Variants in STOX1 observed in about 807,000 individuals in gnomAD.
The protein encoded by STOX1 is storkhead box 1, also known as storkhead-box protein 1.
STOX1 carries 57 observed loss-of-function variants against 74.8 expected under a neutral mutation model. That is an observed-to-expected ratio of 0.76 (90% CI 0.62 to 0.95). The LOEUF is 0.95. Ranked by LOEUF, STOX1 falls within the 40% of genes least tolerant of loss-of-function variation. The pLI is 0.00. For missense variants in STOX1, 1,010 were observed against 1,117.0 expected, an observed-to-expected ratio of 0.90 and a Z score of 1.37; for synonymous variants, 375 against 401.3, an observed-to-expected ratio of 0.93 and a Z score of 0.78.
intron 1 of STOX1, among the ~76,000 whole-genome samples, chr10:68,840,131 C>T (rs1839656650): frequency 2.6e-5 from 4 of 152,142 alleles, no homozygotes; most frequent in Admixed American, 2.6e-4. Context: ...ACAATCTCCA[C>T]ATGCAAAGGA....
intron 1 of STOX1, among the ~76,000 whole-genome samples, chr10:68,843,856 G>A (rs867652764): frequency 4.6e-5 from 7 of 151,466 alleles, no homozygotes; most frequent in Non-Finnish European, 8.8e-5. Context: ...CACTGTGCCC[G>A]GCCTATTTTA....
In STOX1 at chr10:68,888,071, A is replaced by G. The variant is rs866241960; in HGVS notation, c.2822+1453A>G. Among the ~76,000 whole-genome samples, 122 of 149,974 alleles carry G rather than the reference A, an allele frequency of 8.1e-4. 1 individual carries two copies. The highest frequency in any genetic ancestry group is 6.9e-3 in the Middle Eastern group (2 of 288). On this transcript the variant is annotated intron_variant, in intron 3 of 3. Transcript: ENST00000298596. ...CCTATACTTATTCTAACACACACAC[A>G]CGCGCGCACACACGCACACACACGC...
At chr10:68,874,235 G>C (rs1438614485) in intron 1 of STOX1, among the ~76,000 whole-genome samples, 1 of 151,700 alleles carries the variant, frequency 6.6e-6, no homozygotes, top group East Asian at 1.9e-4. Flanking sequence ...CAGAAACTTG[G>C]ACCCCTACTC....
rs781593342 is a variant in STOX1, at chr10:68,832,022, C to T, written c.310+4089C>T. ...CCAAGGGATCCTCCCCCCTCGGCCT[C>T]CCAAAGTGCTGTGATTACCAGTGTG... On this transcript the variant is annotated intron_variant, in intron 1 of 3. Transcript: ENST00000298596. 3.3e-5 allele frequency among the ~76,000 whole-genome samples: 5 copies of T among 151,584 alleles called. No homozygotes were observed. The South Asian group carries it at 8.3e-4, about 25-fold the overall frequency.
intron 1 of STOX1, among the ~76,000 whole-genome samples, chr10:68,860,592 A>AG: frequency 7.1e-6 from 1 of 140,554 alleles, no homozygotes; most frequent in Non-Finnish European, 1.5e-5. Flanking sequence ...AAAAAAAAAA[A>AG]GGTCTAATTG....
intron 1 of STOX1, among the ~76,000 whole-genome samples, chr10:68,878,752 A>G (rs11813655): frequency 0.059 from 8,918 of 152,250 alleles, 856 homozygotes; most frequent in African/African-American, 0.2. Flanking sequence ...TCTGGGCTTC[A>G]ACCCTTCACA....
At chr10:68,891,606 A>G (rs544191192) in intron 3 of STOX1, among the ~76,000 whole-genome samples, 1 of 152,110 alleles carries the variant, frequency 6.6e-6, no homozygotes, top group East Asian at 2.0e-4. Context: ...GTTCAAGACC[A>G]GCCTGACCAA....
In STOX1 at chr10:68,827,622, G is replaced by C. The variant is rs1369704357; in HGVS notation, c.-2G>C. 8.7e-7 allele frequency: 1 copy of C among 1,150,194 alleles called. No homozygotes were observed. The highest frequency in any genetic ancestry group is 4.3e-5 in the East Asian group (1 of 23,298). 71.2% of individuals were successfully genotyped at this position (1,150,194 alleles called of 1,614,324 possible). ...TGCGGGCTCCCGGCCGCCGGCGAAA[G>C]CATGGCCCGGCCCGTGCAGCTGGCG... On this transcript the variant is annotated 5_prime_UTR_variant, in exon 1 of 4. Coordinates refer to ENST00000298596, the MANE Select transcript of STOX1 (RefSeq NM_152709.5).
chr10:68,833,553 G>A (rs1038822347), intron 1 of STOX1, among the ~76,000 whole-genome samples: 1 of 152,066 alleles, frequency 6.6e-6, no homozygotes, highest in Non-Finnish European at 1.5e-5. Flanking sequence ...GAACAAGCAG[G>A]GGGTACGTGA....
chr10:68,834,746 A>T (rs748888836), intron 1 of STOX1, among the ~76,000 whole-genome samples: 2 of 152,130 alleles, frequency 1.3e-5, no homozygotes, highest in Non-Finnish European at 2.9e-5. Flanking sequence ...GTTTTTTGAG[A>T]TGGAGTCTCA....
intron 1 of STOX1, among the ~76,000 whole-genome samples, chr10:68,843,899 G>A (rs896421756): frequency 6.6e-6 from 1 of 151,998 alleles, no homozygotes; most frequent in African/African-American, 2.4e-5. Flanking sequence ...TTGGATAGTG[G>A]GCCGGGCGCC....
chr10:68,876,797 C>T (rs1327605032), intron 1 of STOX1, among the ~76,000 whole-genome samples: 1 of 152,196 alleles, frequency 6.6e-6, no homozygotes, highest in South Asian at 2.1e-4. Context: ...TTTACTCCCT[C>T]ATAGTTGAGG....
intron 1 of STOX1, among the ~76,000 whole-genome samples, chr10:68,872,312 T>C (rs1840554044): frequency 1.3e-5 from 2 of 151,620 alleles, no homozygotes; most frequent in African/African-American, 4.8e-5. Context: ...AAATAAGTAA[T>C]GCTAGGGATT....
downstream of STOX1, among the ~76,000 whole-genome samples, chr10:68,893,332 A>G (rs1366108009): frequency 6.6e-6 from 1 of 152,260 alleles, no homozygotes; most frequent in African/African-American, 2.4e-5. Flanking sequence ...GGACATGAAC[A>G]AATGGTTCCC....
chr10:68,844,129 G>A (rs1214522960), intron 1 of STOX1, among the ~76,000 whole-genome samples: 1 of 151,226 alleles, frequency 6.6e-6, no homozygotes, highest in Non-Finnish European at 1.5e-5. Flanking sequence ...GCAGTGAGTC[G>A]AGATCGCGCC....
At chr10:68,844,135 G>A (rs995767028) in intron 1 of STOX1, among the ~76,000 whole-genome samples, 19 of 151,498 alleles carry the variant, frequency 1.3e-4, no homozygotes, top group South Asian at 8.3e-4. Flanking sequence ...AGTCGAGATC[G>A]CGCCACTGCA....
At chr10:68,882,885 T>C (rs1405349474) in intron 2 of STOX1, among the ~76,000 whole-genome samples, 8 of 152,164 alleles carry the variant, frequency 5.3e-5, no homozygotes, top group Non-Finnish European at 1.5e-5. Context: ...CTAACATATA[T>C]TGATATGTCT....
At chr10:68,837,201 A>T (rs1839578142) in intron 1 of STOX1, among the ~76,000 whole-genome samples, 2 of 152,238 alleles carry the variant, frequency 1.3e-5, no homozygotes, top group Non-Finnish European at 2.9e-5. Context: ...CAAGAATCCC[A>T]TGCATATGTG....
intron 1 of STOX1, among the ~76,000 whole-genome samples, chr10:68,876,700 C>G (rs1160456574): frequency 6.6e-6 from 1 of 152,154 alleles, no homozygotes; most frequent in East Asian, 1.9e-4. Flanking sequence ...TATGCTCTGG[C>G]TCAAAGTCTC....
Sources: gnomAD v4.1 joint callset for allele counts (sites outside exome capture counted in the v4.1 genomes callset) on GRCh38, gnomAD v4.1.1 for gene constraint, MANE v1.5 for transcripts, NCBI Gene and HGNC (gene_info 2026-07-23, HGNC 2026-07-21) for gene names.